OCIAD2: variants seen among roughly 807,000 people sequenced by gnomAD.
OCIAD2 encodes the protein OCIA domain-containing protein 2.
A neutral mutation model predicts 22.9 loss-of-function variants in OCIAD2; 29 were observed. The ratio of observed to expected loss-of-function variants is 1.27; its 90% CI spans 0.94 to 1.73. The LOEUF is 1.73. Ranked by LOEUF, OCIAD2 falls within the 40% of genes most tolerant of loss-of-function variation. OCIAD2 has a pLI of 0.00. For synonymous variants in OCIAD2, 67 were observed against 60.2 expected (o/e 1.11, Z -0.52); for missense variants, 189 against 180.3 (o/e 1.05, Z -0.28).
chr4:48,889,855 C>T (rs974015548), intron 6 of OCIAD2, among the ~76,000 whole-genome samples: 1 of 152,084 alleles, frequency 6.6e-6, no homozygotes, highest in Non-Finnish European at 1.5e-5. Context: ...TGGAACCAAC[C>T]CAAATGTCCA....
At chr4:48,886,450 C>T (rs1466303834) in intron 6 of OCIAD2, among the ~76,000 whole-genome samples, 1 of 152,062 alleles carries the variant, frequency 6.6e-6, no homozygotes, top group Non-Finnish European at 1.5e-5. Context: ...ATTAACTCAT[C>T]ATTTACATTA....
intron 2 of OCIAD2, among the ~76,000 whole-genome samples, chr4:48,902,549 T>A (rs1458458294): frequency 6.6e-6 from 1 of 152,146 alleles, no homozygotes; most frequent in Admixed American, 6.5e-5. Flanking sequence ...CTTCCTTACT[T>A]AGCACAGGCA....
intron 3 of OCIAD2, among the ~76,000 whole-genome samples, chr4:48,898,527 C>A (rs1781349139): frequency 6.6e-6 from 1 of 152,166 alleles, no homozygotes; most frequent in Non-Finnish European, 1.5e-5. Context: ...AACTTATACA[C>A]AATAGTTATT....
intron 3 of OCIAD2, 37 bp downstream of exon 3, chr4:48,899,792 A>G (rs1286551187): frequency 7.1e-7 from 1 of 1,401,262 alleles, no homozygotes; most frequent in South Asian, 1.2e-5. Flanking sequence ...ATATTTAGGC[A>G]GTTTACTGCC....
At chr4:48,904,086 A>T (rs193233941) in intron 2 of OCIAD2, among the ~76,000 whole-genome samples, 1 of 151,482 alleles carries the variant, frequency 6.6e-6, no homozygotes, top group African/African-American at 2.4e-5. Flanking sequence ...AAAAAATAAG[A>T]TGACTGGTTA....
At chr4:48,901,294 G>A (rs531934476) in intron 2 of OCIAD2, among the ~76,000 whole-genome samples, 1 of 151,974 alleles carries the variant, frequency 6.6e-6, no homozygotes, top group South Asian at 2.1e-4. Flanking sequence ...ATGGACCCAT[G>A]AGAGAACATT....
chr4:48,903,569 C>T (rs1781462954), intron 2 of OCIAD2, among the ~76,000 whole-genome samples: 1 of 151,456 alleles, frequency 6.6e-6, no homozygotes, highest in Non-Finnish European at 1.5e-5. Context: ...GAAACCTCTT[C>T]AGTCACTGAC....
At chr4:48,903,621 A>G (rs1781463602) in intron 2 of OCIAD2, among the ~76,000 whole-genome samples, 1 of 151,942 alleles carries the variant, frequency 6.6e-6, no homozygotes, top group African/African-American at 2.4e-5. Flanking sequence ...CAAACAGGAA[A>G]GAGTAAAGAA....
intron 2 of OCIAD2, among the ~76,000 whole-genome samples, chr4:48,903,850 T>C (rs989868854): frequency 8.5e-5 from 13 of 152,060 alleles, no homozygotes; most frequent in Non-Finnish European, 1.8e-4. Context: ...TTTCACTATG[T>C]TGGCCAGGAT....
At chr4:48,905,172 T>C (rs1362717114) in intron 1 of OCIAD2, among the ~76,000 whole-genome samples, 1 of 151,980 alleles carries the variant, frequency 6.6e-6, no homozygotes, top group African/African-American at 2.4e-5. Flanking sequence ...GCATCTTTGA[T>C]AGAGATGCTA....
At chr4:48,900,149 C>T (rs1342214956) in intron 2 of OCIAD2, among the ~76,000 whole-genome samples, 2 of 144,562 alleles carry the variant, frequency 1.4e-5, no homozygotes, top group Admixed American at 6.9e-5. Context: ...GAGTGATTCA[C>T]TGACTGGCGC....
chr4:48,902,125 T>A (rs1781431696), intron 2 of OCIAD2, among the ~76,000 whole-genome samples: 1 of 152,170 alleles, frequency 6.6e-6, no homozygotes, highest in South Asian at 2.1e-4. Context: ...ACACTCATAT[T>A]TCCTTGTTTG....
chr4:48,897,951 C>T lies in OCIAD2; in HGVS notation c.164-94G>A, dbSNP rs1015138461. ...AATTATTCTGAGCTTTTTCTCTTAC[C>T]TTCCTTGGCAGTGAATTTTTATTCA... On this transcript the variant is annotated intron_variant, in intron 3 of 6. Coordinates refer to ENST00000508632, the MANE Select transcript of OCIAD2 (RefSeq NM_001014446.3). 2.4e-5 allele frequency: 20 copies of T among 817,908 alleles called. 1 individual carries two copies. The Middle Eastern group carries it at 9.1e-4, about 37-fold the overall frequency. The allele number at this position is 817,908 out of a possible 1,614,324, so 50.7% of individuals were successfully genotyped here. A position where few individuals can be genotyped will look rare whatever the true frequency, so the allele number is the denominator to read the frequency against.
intron 6 of OCIAD2, among the ~76,000 whole-genome samples, chr4:48,887,333 T>TC (rs1781019517): frequency 6.6e-6 from 1 of 152,228 alleles, no homozygotes; most frequent in Non-Finnish European, 1.5e-5. Context: ...CAGAAGCTCT[T>TC]TAGTTTAATT....
At chr4:48,889,005 C>A (rs1220125260) in intron 6 of OCIAD2, among the ~76,000 whole-genome samples, 2 of 152,180 alleles carry the variant, frequency 1.3e-5, no homozygotes, top group African/African-American at 4.8e-5. Flanking sequence ...ATTATTGCCT[C>A]AATTTCAGAG....
chr4:48,899,719 G>T, intron 3 of OCIAD2, 110 bp downstream of exon 3: 1 of 716,020 alleles, frequency 1.4e-6, no homozygotes, highest in Non-Finnish European at 2.3e-6. Context: ...GAATATCAGA[G>T]TTCATCAGAT....
intron 1 of OCIAD2, 119 bp from the exon 2 acceptor site, chr4:48,904,730 C>T (rs1229045753): frequency 1.6e-6 from 1 of 625,062 alleles, no homozygotes; most frequent in Admixed American, 2.7e-5. Context: ...GTCATTAGTC[C>T]ATCTGCAAAC....
chr4:48,906,117 C>T (rs1302336693), intron 1 of OCIAD2, among the ~76,000 whole-genome samples: 1 of 152,236 alleles, frequency 6.6e-6, no homozygotes, highest in African/African-American at 2.4e-5. Context: ...GCAAATATAC[C>T]TCTCAGCTTC....
intron 3 of OCIAD2, among the ~76,000 whole-genome samples, chr4:48,899,283 CTCTTG>C (rs1289563344): frequency 6.6e-6 from 1 of 152,172 alleles, no homozygotes; most frequent in African/African-American, 2.4e-5. Context: ...TTCACTCACA[CTCTTG>C]TCTTATGTGA....
Sources: gnomAD v4.1 joint callset for allele counts (sites outside exome capture counted in the v4.1 genomes callset) on GRCh38, gnomAD v4.1.1 for gene constraint, MANE v1.5 for transcripts, NCBI Gene and HGNC (gene_info 2026-07-23, HGNC 2026-07-21) for gene names.